Variants in DMTN observed in about 807,000 individuals in gnomAD.
DMTN encodes dematin.
DMTN carries 27 observed loss-of-function variants against 59.4 expected under a neutral mutation model. That is an observed-to-expected ratio of 0.45 (90% CI 0.33 to 0.63). The LOEUF is 0.63. DMTN is among the 20% of genes least tolerant of loss of function. DMTN has a pLI of 0.02. For synonymous variants in DMTN, 221 were observed against 203.7 expected (o/e 1.08, Z -0.72); for missense variants, 451 against 528.9 (o/e 0.85, Z 1.45).
chr8:22,081,453 C>G lies in DMTN; in HGVS notation c.1208C>G (p.Ser403Cys). The change falls in exon 16 of 16, where the codon TCT (serine) becomes TGT (cysteine). Residue 403 changes from serine to cysteine, a missense_variant. Ser to Cys is a moderately radical substitution (Grantham distance 112, BLOSUM62 -1). Transcript: ENST00000358242. ...WKRNELKKKASLF is the reference protein window; with the variant it reads ...WKRNELKKKACLF Reference sequence around the variant, plus strand: ...CGGAATGAGCTCAAGAAGAAGGCCTCTCTCTTCTGATGGCCCCCACCTGCT... The same window carrying G: ...CGGAATGAGCTCAAGAAGAAGGCCTGTCTCTTCTGATGGCCCCCACCTGCT... 6.2e-7 allele frequency: 1 copy of G among 1,614,118 alleles called. No homozygotes were observed. The highest frequency in any genetic ancestry group is 8.5e-7 in the Non-Finnish European group (1 of 1,179,964).
rs924565346 is a variant in DMTN, at chr8:22,069,155, C to T, written c.294+95C>T. ...ACATCAGACCAAGCTCTGCAGAGCC[C>T]AGGGAGTGCCCGAATCAGCGGCCCC... On this transcript the variant is annotated intron_variant, in intron 5 of 15. Transcript: ENST00000358242. 6.3e-6 allele frequency: 9 copies of T among 1,420,226 alleles called. No homozygotes were observed. In the Admixed American group the frequency reaches 1.5e-4, roughly 24 times the overall value. 88.0% of individuals were successfully genotyped at this position (1,420,226 alleles called of 1,614,324 possible).
At chr8:22,051,456 C>G (rs1286396569), upstream of DMTN, among the ~76,000 whole-genome samples, 3 of 152,164 alleles carry the variant, frequency 2.0e-5, no homozygotes. Context: ...TTTCCAGGGA[C>G]CAAGCCGAAA....
Position 22,067,103 on chromosome 8 carries a change from G to C in DMTN, c.37G>C (p.Gly13Arg), listed in dbSNP as rs764833188. The change falls in exon 3 of 16, where the codon GGG (glycine) becomes CGG (arginine). Residue 13 changes from glycine (G) to arginine (R), a missense_variant. Transcript: ENST00000358242. ...TCCCCAGCAACCACTTACCTCCCCC[G>C]GGAGCGTGAGCCCCTCCCGAGATTC... ...RLQKQPLTSP[G>R]SVSPSRDSSV... 1.5e-6 allele frequency: 2 copies of C among 1,351,044 alleles called. 1 individual carries two copies. Among genetic ancestry groups the C allele is most frequent in the South Asian group, 2.4e-5 (2 of 83,274 alleles). 83.7% of individuals were successfully genotyped at this position (1,351,044 alleles called of 1,614,324 possible).
At chr8:22,074,943 C>T (rs1818530516) in intron 10 of DMTN, among the ~76,000 whole-genome samples, 1 of 152,126 alleles carries the variant, frequency 6.6e-6, no homozygotes, top group Admixed American at 6.5e-5. Context: ...TGTCCTAGCA[C>T]TTTGGGAGGC....
At chr8:22,062,243 C>T (rs1462833019) in intron 1 of DMTN, among the ~76,000 whole-genome samples, 1 of 123,328 alleles carries the variant, frequency 8.1e-6, no homozygotes, top group Non-Finnish European at 1.7e-5. Flanking sequence ...GCGTACTTCA[C>T]GACACCCAGC....
intron 1 of DMTN, among the ~76,000 whole-genome samples, chr8:22,062,673 A>G (rs1198424262): frequency 8.8e-6 from 1 of 113,618 alleles, no homozygotes; most frequent in Admixed American, 9.6e-5. Flanking sequence ...CACCCCCATC[A>G]CCCCCCCAAT....
At chr8:22,072,872 C>G (rs950971920) in intron 9 of DMTN, among the ~76,000 whole-genome samples, 1 of 152,034 alleles carries the variant, frequency 6.6e-6, no homozygotes, top group African/African-American at 2.4e-5. Flanking sequence ...TGTTGGGGAG[C>G]CGCTTCTTGC....
At position 22,069,911 on chromosome 8, in the gene DMTN, A is replaced by G. The variant is rs760244611; in HGVS notation, c.425A>G (p.Lys142Arg). 4 of 1,614,030 alleles carry G rather than the reference A, an allele frequency of 2.5e-6. No individual in the cohort carries two copies. The highest frequency in any genetic ancestry group is 2.2e-5 in the East Asian group (1 of 44,856). ...ETSRPDSNIY[K>R]KPPIYKQRES... The stretch of plus-strand genomic sequence containing the variant: ...TCCCGCCCAGATTCCAACATCTACA[A>G]GAAGCCTCCCATCTATAAGCAGAGA... Residue 142 changes from lysine to arginine, a missense_variant, in exon 7 of 16, where the codon AAG (lysine) becomes AGG (arginine). Transcript: ENST00000358242.
upstream of DMTN, among the ~76,000 whole-genome samples, chr8:22,054,298 G>C (rs368914017): frequency 1.5e-4 from 21 of 139,104 alleles, no homozygotes; most frequent in East Asian, 4.9e-3. Context: ...GGGACATTCC[G>C]ATAGAATGTG....
chr8:22,066,726 G>T lies in DMTN; in HGVS notation c.-150G>T. ...GCAGCCTGGAGAGTCACCGCCGAGG[G>T]ATGAGGACGCGCCAGCCCGGGGGAA... On this transcript the variant is annotated 5_prime_UTR_variant, in exon 2 of 16. Transcript: ENST00000358242. 1.2e-6 allele frequency: 1 copy of T among 825,528 alleles called. No individual in the cohort carries two copies. The highest frequency in any genetic ancestry group is 3.3e-5 in the South Asian group (1 of 30,160). 51.1% of individuals were successfully genotyped at this position (825,528 alleles called of 1,614,324 possible). A position where few individuals can be genotyped will look rare whatever the true frequency, so the allele number is the denominator to read the frequency against.
intron 9 of DMTN, among the ~76,000 whole-genome samples, chr8:22,073,069 G>T: frequency 6.6e-6 from 1 of 152,186 alleles, no homozygotes; most frequent in South Asian, 2.1e-4. Flanking sequence ...CAGGGGAGGA[G>T]GGAGAACCAT....
intron 8 of DMTN, among the ~76,000 whole-genome samples, chr8:22,071,714 G>T (rs1048043913): frequency 7.2e-5 from 11 of 151,872 alleles, no homozygotes; most frequent in South Asian, 2.1e-4. Context: ...TGAGTAGCTG[G>T]GACTACAGGC....
chr8:22,073,655 AAGAAAAAAAAAAAGAG>A (rs775538441), intron 9 of DMTN, 59 bp from the exon 10 acceptor site: 130,110 of 894,726 alleles, frequency 0.15, 14,342 homozygotes, highest in African/African-American at 0.55. Context: ...AAAAAAAAGA[AAGAAAAAAAAAAAGAG>A]AAAAAAGAAA....
In DMTN at chr8:22,081,095, C is replaced by A. The variant is rs1415778303; in HGVS notation, c.1024-18C>A. 32 of 609,052 alleles carry A rather than the reference C, an allele frequency of 5.3e-5. No individual in the cohort carries two copies. The highest frequency in any genetic ancestry group is 8.1e-5 in the Non-Finnish European group (27 of 332,100). The allele number at this position is 609,052 out of a possible 1,614,324, so 37.7% of individuals were successfully genotyped here. A position where few individuals can be genotyped will look rare whatever the true frequency, so the allele number is the denominator to read the frequency against. On this transcript the variant is annotated intron_variant, in intron 14 of 15. Transcript: ENST00000358242. ...GGATATTCTGTGAGCCTAAGATTGC[C>A]CCTCCCCCCACCCCCAGATCTATCC...
intron 1 of DMTN, chr8:22,066,439 C>A: frequency 6.5e-6 from 1 of 153,382 alleles, no homozygotes; most frequent in Non-Finnish European, 1.5e-5. Context: ...GCGGGGAGGG[C>A]AGGTGCGGCG....
At chr8:22,061,751 T>TC (rs1157779997) in intron 1 of DMTN, among the ~76,000 whole-genome samples, 17 of 140,844 alleles carry the variant, frequency 1.2e-4, no homozygotes, top group Non-Finnish European at 7.8e-5. Context: ...TAATTCTCAT[T>TC]TTTTTTTTTT....
upstream of DMTN, among the ~76,000 whole-genome samples, chr8:22,051,500 A>C (rs1801348729): frequency 6.6e-6 from 1 of 152,118 alleles, no homozygotes; most frequent in Non-Finnish European, 1.5e-5. Flanking sequence ...TTCAGCCCCA[A>C]GCGCTTGCTA....
intron 7 of DMTN, 72 bp from the exon 8 acceptor site, chr8:22,070,110 G>C (rs147516712): frequency 3.9e-6 from 6 of 1,555,182 alleles, no homozygotes; most frequent in Admixed American, 3.7e-5. Flanking sequence ...CAGGTGTGAG[G>C]GGGGAGGGGT....
At chr8:22,069,366 G>T in intron 5 of DMTN, 53 bp from the exon 6 acceptor site, 3 of 1,478,512 alleles carry the variant, frequency 2.0e-6, no homozygotes, top group Non-Finnish European at 2.8e-6. Context: ...TGGGGTGCAT[G>T]TGTGGGTTGG....
Sources: allele counts gnomAD v4.1 joint callset (sites outside exome capture counted in the v4.1 genomes callset), GRCh38; gene constraint gnomAD v4.1.1; transcripts MANE v1.5; gene names NCBI Gene and HGNC (gene_info 2026-07-23, HGNC 2026-07-21).